CCSER1: variants seen among roughly 807,000 people sequenced by gnomAD.
The protein encoded by CCSER1 is serine-rich coiled-coil domain-containing protein 1.
In CCSER1, 41 loss-of-function variants were observed where a neutral mutation model predicts 82.0. The ratio of observed to expected loss-of-function variants is 0.50; its 90% CI spans 0.39 to 0.65. The LOEUF is 0.65. CCSER1 is among the 30% of genes least tolerant of loss of function. CCSER1 has a pLI of 0.00. For missense variants in CCSER1, 1,119 were observed against 1,064.2 expected, an observed-to-expected ratio of 1.05 and a Z score of -0.72; for synonymous variants, 414 against 383.9, an observed-to-expected ratio of 1.08 and a Z score of -0.92.
chr4:91,436,302 CACAGAGTACT>C (rs1396350706), intron 10 of CCSER1, among the ~76,000 whole-genome samples: 1 of 152,096 alleles, frequency 6.6e-6, no homozygotes, highest in African/African-American at 2.4e-5. Flanking sequence ...ATATAAATCA[CACAGAGTACT>C]ACATGGCATA....
intron 10 of CCSER1, among the ~76,000 whole-genome samples, chr4:91,358,623 G>A (rs930650052): frequency 1.3e-5 from 2 of 152,126 alleles, no homozygotes; most frequent in Admixed American, 6.5e-5. Flanking sequence ...ATGCAGGCAC[G>A]CTGTGGGTGA....
intron 1 of CCSER1, among the ~76,000 whole-genome samples, chr4:90,305,406 T>C (rs1734083170): frequency 6.6e-6 from 1 of 152,188 alleles, no homozygotes; most frequent in African/African-American, 2.4e-5. Flanking sequence ...AGCAAAATTC[T>C]TCAATAGGCA....
chr4:91,466,179 G>T (rs937907868), intron 10 of CCSER1, among the ~76,000 whole-genome samples: 1 of 152,078 alleles, frequency 6.6e-6, no homozygotes, highest in African/African-American at 2.4e-5. Flanking sequence ...TTCATCCCTG[G>T]GATGCAAGGC....
At chr4:90,432,851 G>A (rs532908656) in intron 4 of CCSER1, among the ~76,000 whole-genome samples, 7 of 152,106 alleles carry the variant, frequency 4.6e-5, no homozygotes, top group South Asian at 2.1e-4. Flanking sequence ...CTCCTTCCTC[G>A]AATTCTTAAT....
chr4:91,153,264 C>T (rs1730437347), intron 10 of CCSER1, among the ~76,000 whole-genome samples: 1 of 152,024 alleles, frequency 6.6e-6, no homozygotes, highest in South Asian at 2.1e-4. Context: ...TTCATTTGAT[C>T]TTCAATTACT....
Position 91,124,602 on chromosome 4 carries a change from C to T in CCSER1, c.2217+38608C>T, listed in dbSNP as rs187757838. ...GTTGTCTCAATTGTGGTACCTACTA[C>T]GATATATGAATGTACCTGTTTTAGT... On this transcript the variant is annotated intron_variant, in intron 10 of 10. Transcript: ENST00000509176. 6.9e-4 allele frequency among the ~76,000 whole-genome samples: 104 copies of T among 151,746 alleles called. 1 individual carries two copies. The highest frequency in any genetic ancestry group is 2.3e-3 in the African/African-American group (96 of 41,468).
intron 8 of CCSER1, among the ~76,000 whole-genome samples, chr4:90,906,200 C>T (rs1725446198): frequency 6.6e-6 from 1 of 152,108 alleles, no homozygotes; most frequent in Non-Finnish European, 1.5e-5. Context: ...TCAGATAATA[C>T]ATATACGGAT....
At chr4:91,435,799 C>A (rs1365026827) in intron 10 of CCSER1, among the ~76,000 whole-genome samples, 1 of 152,174 alleles carries the variant, frequency 6.6e-6, no homozygotes, top group Non-Finnish European at 1.5e-5. Context: ...AACAATTCAA[C>A]TTTCATTTGG....
rs751094283 is a variant in CCSER1 at position 90,628,095 on chromosome 4, A to T, written c.1795A>T (p.Asn599Tyr). 6.2e-7 allele frequency: 1 copy of T among 1,613,776 alleles called. No homozygotes were observed. Among genetic ancestry groups the T allele is most frequent in the African/African-American group, 1.3e-5 (1 of 75,024 alleles). Residue 599 changes from asparagine (N) to tyrosine (Y), a missense_variant, in exon 6 of 11, where the codon AAC becomes TAC. Transcript: ENST00000509176. ...ARCSHISRMP[N>Y]SPSADWPLQG... ...GTGTTCCCACATCAGCCGAATGCCCAACAGTCCATCTGCGGATTGGCCTCT... is the reference window on the plus strand; with the variant it reads ...GTGTTCCCACATCAGCCGAATGCCCTACAGTCCATCTGCGGATTGGCCTCT...
At chr4:90,282,710 A>C (rs1380578627) in intron 1 of CCSER1, among the ~76,000 whole-genome samples, 3 of 151,982 alleles carry the variant, frequency 2.0e-5, no homozygotes, top group Non-Finnish European at 4.4e-5. Flanking sequence ...AAAGAAAGTC[A>C]TATACATATA....
intron 1 of CCSER1, among the ~76,000 whole-genome samples, chr4:90,205,954 A>G (rs1410034271): frequency 6.6e-6 from 1 of 151,764 alleles, no homozygotes; most frequent in Non-Finnish European, 1.5e-5. Context: ...GAATTTATCC[A>G]TTTTTTCTAG....
intron 10 of CCSER1, among the ~76,000 whole-genome samples, chr4:91,184,193 A>AT (rs1392664460): frequency 6.6e-6 from 1 of 152,178 alleles, no homozygotes; most frequent in Non-Finnish European, 1.5e-5. Flanking sequence ...CACTGTGAAA[A>AT]TTTTTTAGGA....
Position 90,550,554 on chromosome 4 carries a change from ATAT to A in CCSER1, c.1725-77466_1725-77464del, listed in dbSNP as rs560191423. ...CTATCACAAATTAATATAGAAAAATATATTATTGAGGCAAACAAGTTTTTGTGA... is the reference window on the plus strand; with the variant it reads ...CTATCACAAATTAATATAGAAAAATATATTGAGGCAAACAAGTTTTTGTGA... On this transcript the variant is annotated intron_variant, in intron 5 of 10. Coordinates refer to ENST00000509176, the MANE Select transcript of CCSER1 (RefSeq NM_001145065.2). Among the ~76,000 whole-genome samples the A allele has an allele frequency of 8.4e-3, 1,285 of 152,304 alleles. 19 individuals carry two copies. Among genetic ancestry groups the A allele is most frequent in the African/African-American group, 0.029 (1,222 of 41,576 alleles).
chr4:90,260,534 G>C (rs1176581114), intron 1 of CCSER1, among the ~76,000 whole-genome samples: 1 of 151,874 alleles, frequency 6.6e-6, no homozygotes, highest in Non-Finnish European at 1.5e-5. Flanking sequence ...TTTTACTAGT[G>C]TTGCCTTAAA....
chr4:90,437,899 A>G (rs1759268877), intron 4 of CCSER1, among the ~76,000 whole-genome samples: 1 of 152,182 alleles, frequency 6.6e-6, no homozygotes, highest in South Asian at 2.1e-4. Context: ...TTGGCTAATT[A>G]TGATCTGAGT....
chr4:91,365,332 A>G (rs72656151), intron 10 of CCSER1, among the ~76,000 whole-genome samples: 1 of 152,328 alleles, frequency 6.6e-6, no homozygotes, highest in Non-Finnish European at 1.5e-5. Flanking sequence ...CAAGAGAGAA[A>G]GGATTCTATA....
At chr4:91,216,920 T>G (rs1052525507) in intron 10 of CCSER1, among the ~76,000 whole-genome samples, 1 of 152,156 alleles carries the variant, frequency 6.6e-6, no homozygotes, top group African/African-American at 2.4e-5. Context: ...GGAAATTGAT[T>G]AAGCCAAGAT....
intron 10 of CCSER1, among the ~76,000 whole-genome samples, chr4:91,438,743 G>T (rs993304747): frequency 2.0e-5 from 3 of 152,234 alleles, no homozygotes; most frequent in Middle Eastern, 3.4e-3. Flanking sequence ...AAAAAATTTA[G>T]ACAAATGTAT....
chr4:91,293,693 G>C (rs923528920), intron 10 of CCSER1, among the ~76,000 whole-genome samples: 4 of 151,754 alleles, frequency 2.6e-5, no homozygotes, highest in Non-Finnish European at 5.9e-5. Flanking sequence ...TGTTGTTTAA[G>C]TTAGAAAGTG....
Sources: gnomAD v4.1 joint callset for allele counts (sites outside exome capture counted in the v4.1 genomes callset) on GRCh38, gnomAD v4.1.1 for gene constraint, MANE v1.5 for transcripts, NCBI Gene and HGNC (gene_info 2026-07-23, HGNC 2026-07-21) for gene names.